FCHO2: variants seen among roughly 807,000 people sequenced by gnomAD.
FCHO2 encodes F-BAR domain only protein 2.
Under a neutral mutation model 114.1 loss-of-function variants are expected in FCHO2, and 43 were observed. The observed-to-expected ratio is 0.38, with a 90% CI of 0.30 to 0.49. The LOEUF (loss-of-function observed/expected upper bound fraction) is 0.49. Among genes scored for constraint, FCHO2 ranks in the 20% least tolerant of loss-of-function variants. The pLI is 0.97. For synonymous variants in FCHO2, 293 were observed against 315.2 expected (o/e 0.93, Z 0.75); for missense variants, 807 against 950.4 (o/e 0.85, Z 1.98).
intron 6 of FCHO2, among the ~76,000 whole-genome samples, chr5:73,010,545 C>T (rs371340366): frequency 2.0e-5 from 3 of 152,052 alleles, no homozygotes; most frequent in South Asian, 2.1e-4. Flanking sequence ...TAAGAAATGT[C>T]GTTAGGCAAT....
rs533327632 is a variant in FCHO2 at position 72,963,047 on chromosome 5, G to A, written c.34-5451G>A. Among the ~76,000 whole-genome samples, 12 of 152,320 alleles carry A rather than the reference G, an allele frequency of 7.9e-5. No individual in the cohort carries two copies. The South Asian group carries it at 8.3e-4, about 11-fold the overall frequency. The stretch of plus-strand genomic sequence containing the variant: ...CTACTATATTGATAAATGTGCAAGA[G>A]GATGTTGCTGGAATGGCCAGAGTCA... On this transcript the variant is annotated intron_variant, in intron 1 of 25. Coordinates refer to ENST00000430046, the MANE Select transcript of FCHO2 (RefSeq NM_138782.3).
At chr5:73,053,393 C>T (rs752975876) in intron 13 of FCHO2, among the ~76,000 whole-genome samples, 34 of 151,948 alleles carry the variant, frequency 2.2e-4, no homozygotes, top group Admixed American at 5.3e-4. Context: ...TACAGAGTTG[C>T]TTAAAAGTTG....
chr5:73,015,552 C>A, intron 6 of FCHO2, 74 bp from the exon 7 acceptor site: 1 of 886,530 alleles, frequency 1.1e-6, no homozygotes, highest in Non-Finnish European at 1.7e-6. Flanking sequence ...TTTCTGAAAG[C>A]TCTTTTGATT....
At chr5:72,960,818 T>G (rs1319964838) in intron 1 of FCHO2, among the ~76,000 whole-genome samples, 3 of 152,144 alleles carry the variant, frequency 2.0e-5, no homozygotes, top group Non-Finnish European at 4.4e-5. Context: ...TAATCTTCAT[T>G]TTACAGAGTA....
At chr5:73,018,691 A>G (rs1299048870) in intron 8 of FCHO2, among the ~76,000 whole-genome samples, 5 of 152,148 alleles carry the variant, frequency 3.3e-5, no homozygotes, top group Non-Finnish European at 7.4e-5. Context: ...GTACCTCTCT[A>G]TAGATCAGTG....
intron 18 of FCHO2, among the ~76,000 whole-genome samples, chr5:73,066,109 CTT>C (rs1742310093): frequency 6.6e-6 from 1 of 151,968 alleles, no homozygotes; most frequent in Admixed American, 6.6e-5. Context: ...GTGATAGAAT[CTT>C]TTGCCAAATA....
intron 5 of FCHO2, 53 bp from the exon 6 acceptor site, chr5:73,006,392 A>G: frequency 9.1e-7 from 1 of 1,096,388 alleles, no homozygotes. Flanking sequence ...TTACATTAGG[A>G]AAGAAAAAAG....
chr5:73,006,622 A>G, intron 6 of FCHO2, 73 bp downstream of exon 6: 1 of 1,045,312 alleles, frequency 9.6e-7, no homozygotes, highest in Non-Finnish European at 1.3e-6. Context: ...TTTCTCTCAT[A>G]TAATTTTTTA....
intron 10 of FCHO2, among the ~76,000 whole-genome samples, chr5:73,037,483 T>G (rs1460381738): frequency 6.6e-6 from 1 of 152,056 alleles, no homozygotes; most frequent in Non-Finnish European, 1.5e-5. Flanking sequence ...AATATCCTTA[T>G]TTTTGTAAAA....
In FCHO2 at chr5:72,989,418, A is replaced by G; in HGVS notation, c.126-9A>G. 2 of 1,596,862 alleles carry G rather than the reference A, an allele frequency of 1.3e-6. No individual in the cohort carries two copies. The highest frequency in any genetic ancestry group is 8.5e-7 in the Non-Finnish European group (1 of 1,170,228). On this transcript the variant is annotated splice_polypyrimidine_tract_variant and intron_variant, in intron 2 of 25. Transcript: ENST00000430046. ...AGAAGTATTATGATGTGGATATTTGATTTAACAGAGCTACCATAGAGGAGG... is the reference window on the plus strand; with the variant it reads ...AGAAGTATTATGATGTGGATATTTGGTTTAACAGAGCTACCATAGAGGAGG...
intron 15 of FCHO2, chr5:73,055,085 T>G: frequency 2.6e-6 from 1 of 383,320 alleles, no homozygotes. Context: ...TAACAGAAAC[T>G]TTAACATCAG....
intron 8 of FCHO2, among the ~76,000 whole-genome samples, chr5:73,030,039 CTTTT>C (rs1247598046): frequency 7.1e-6 from 1 of 140,218 alleles, no homozygotes; most frequent in Non-Finnish European, 1.6e-5. Flanking sequence ...TTCTTTCTTT[CTTTT>C]TGTTTTTTTT....
chr5:73,061,389 T>G (rs1757846124), intron 17 of FCHO2, among the ~76,000 whole-genome samples: 1 of 152,116 alleles, frequency 6.6e-6, no homozygotes, highest in African/African-American at 2.4e-5. Flanking sequence ...TTCAAATAAT[T>G]AAAACAAGGT....
intron 8 of FCHO2, chr5:73,034,435 A>G: frequency 2.4e-6 from 1 of 414,514 alleles, no homozygotes; most frequent in South Asian, 3.7e-5. Flanking sequence ...TGTGATCATA[A>G]TGGGCTAGTC....
At chr5:73,027,124 A>G (rs1425533073) in intron 8 of FCHO2, among the ~76,000 whole-genome samples, 2 of 151,266 alleles carry the variant, frequency 1.3e-5, no homozygotes, top group Non-Finnish European at 2.9e-5. Context: ...TGAAGGGATC[A>G]TGAATAAACT....
Position 72,988,393 on chromosome 5 carries a change from G to T in FCHO2, c.126-1034G>T, listed in dbSNP as rs571427089. 7.2e-5 allele frequency among the ~76,000 whole-genome samples: 11 copies of T among 152,114 alleles called. No homozygotes were observed. The East Asian group carries it at 2.1e-3, about 29-fold the overall frequency. ...GCGGAGGTTGCAGTGAGCCAAGATTGCACCACTGTACTCCAGCCTGGGTGA... is the reference window on the plus strand; with the variant it reads ...GCGGAGGTTGCAGTGAGCCAAGATTTCACCACTGTACTCCAGCCTGGGTGA... On this transcript the variant is annotated intron_variant, in intron 2 of 25. Coordinates refer to ENST00000430046, the MANE Select transcript of FCHO2 (RefSeq NM_138782.3).
At chr5:73,063,580 A>G (rs1427363300) in intron 17 of FCHO2, among the ~76,000 whole-genome samples, 1 of 152,074 alleles carries the variant, frequency 6.6e-6, no homozygotes, top group African/African-American at 2.4e-5. Flanking sequence ...TTTTATATGT[A>G]TAGATAATGA....
Position 72,985,206 on chromosome 5 carries a change from G to C in FCHO2, c.126-4221G>C, listed in dbSNP as rs190130035. ...GACTGAGTCTCACTCTGTCACCCAG[G>C]CTGGAGTACAGTGGCATGATCTTGA... On this transcript the variant is annotated intron_variant, in intron 2 of 25. Coordinates refer to ENST00000430046, the MANE Select transcript of FCHO2 (RefSeq NM_138782.3). Among the ~76,000 whole-genome samples, 433 of 151,910 alleles carry C rather than the reference G, an allele frequency of 2.9e-3. 3 individuals carry two copies. Among genetic ancestry groups the C allele is most frequent in the South Asian group, 0.018 (88 of 4,810 alleles).
intron 13 of FCHO2, 109 bp downstream of exon 13, chr5:73,052,616 A>G: frequency 1.1e-6 from 1 of 878,198 alleles, no homozygotes; most frequent in Non-Finnish European, 1.7e-6. Context: ...GACTGAGGAA[A>G]TACTTAGTTT....
Sources: allele counts gnomAD v4.1 joint callset (sites outside exome capture counted in the v4.1 genomes callset), GRCh38; gene constraint gnomAD v4.1.1; transcripts MANE v1.5; gene names NCBI Gene and HGNC (gene_info 2026-07-23, HGNC 2026-07-21).